Variants in DCDC1 observed in about 807,000 individuals in gnomAD.
DCDC1 encodes doublecortin domain-containing protein 1.
DCDC1 carries 200 observed loss-of-function variants against 178.3 expected under a neutral mutation model. The ratio of observed to expected loss-of-function variants is 1.12; its 90% CI spans 1.00 to 1.26. The LOEUF (loss-of-function observed/expected upper bound fraction) is 1.26, where lower values mean the gene tolerates loss of function less well. Ranked by LOEUF, DCDC1 falls within the 50% of genes most tolerant of loss-of-function variation. DCDC1 has a pLI of 0.00. For synonymous variants in DCDC1, 690 were observed against 604.8 expected, an observed-to-expected ratio of 1.14 and a Z score of -2.07; for missense variants, 1,983 against 1,749.2, an observed-to-expected ratio of 1.13 and a Z score of -2.38.
intron 11 of DCDC1, among the ~76,000 whole-genome samples, chr11:31,126,155 T>C (rs1167070011): frequency 6.6e-6 from 1 of 152,128 alleles, no homozygotes; most frequent in East Asian, 1.9e-4. Context: ...TGAATGCCAT[T>C]AAAGCAACTA....
chr11:31,096,506 A>C (rs1025798607), intron 15 of DCDC1, among the ~76,000 whole-genome samples: 2 of 152,134 alleles, frequency 1.3e-5, no homozygotes, highest in African/African-American at 2.4e-5. Flanking sequence ...TGTTATCTCC[A>C]CAACATGGTT....
rs375205472 is a variant in DCDC1 at position 31,073,723 on chromosome 11, G to A, written c.2298+4142C>T. On this transcript the variant is annotated intron_variant, in intron 18 of 38. Transcript: ENST00000684477. ...GGAGTGAAATCTTGAGCAAAGTAAG[G>A]AAAGGTAATTCTTAAAAAGCTTTGA... 6.7e-4 allele frequency among the ~76,000 whole-genome samples: 102 copies of A among 152,308 alleles called. 3 individuals carry two copies. In the South Asian group the frequency reaches 0.018, roughly 27 times the overall value.
At chr11:31,225,624 T>C (rs956092477) in intron 9 of DCDC1, among the ~76,000 whole-genome samples, 1 of 149,850 alleles carries the variant, frequency 6.7e-6, no homozygotes, top group African/African-American at 2.4e-5. Context: ...GTAATATATA[T>C]AATATAAAAT....
intron 23 of DCDC1, among the ~76,000 whole-genome samples, chr11:30,924,638 C>A (rs546982380): frequency 1.3e-5 from 2 of 152,182 alleles, no homozygotes; most frequent in East Asian, 3.9e-4. Context: ...AACCATTAAA[C>A]AACTACATTT....
chr11:31,012,751 A>G (rs752588451), intron 20 of DCDC1, among the ~76,000 whole-genome samples: 8 of 152,256 alleles, frequency 5.3e-5, no homozygotes, highest in Non-Finnish European at 7.3e-5. Context: ...AACCATAAGT[A>G]AATCTTAAAA....
chr11:30,984,836 T>G (rs899945019), intron 20 of DCDC1, among the ~76,000 whole-genome samples: 1 of 152,186 alleles, frequency 6.6e-6, no homozygotes, highest in African/African-American at 2.4e-5. Context: ...CCACATGTGC[T>G]GATACATTTG....
intron 9 of DCDC1, among the ~76,000 whole-genome samples, chr11:31,182,084 G>A (rs1968874173): frequency 6.6e-6 from 1 of 152,142 alleles, no homozygotes; most frequent in African/African-American, 2.4e-5. Context: ...CAAGAAATAT[G>A]GGACTATGTG....
Position 30,974,193 on chromosome 11 carries a change from C to G in DCDC1, c.2592-21625G>C, listed in dbSNP as rs1192351229. On this transcript the variant is annotated intron_variant, in intron 20 of 38. Coordinates refer to ENST00000684477, the MANE Select transcript of DCDC1 (RefSeq NM_001387274.1). The stretch of plus-strand genomic sequence containing the variant: ...AAAAAGTTATTGAAAAAATGCAAAC[C>G]AAAACGCAACACACCAAAGCCTGTC... Among the ~76,000 whole-genome samples, 14 of 149,666 alleles carry G rather than the reference C, an allele frequency of 9.4e-5. 2 individuals carry two copies. In the South Asian group the frequency reaches 2.9e-3, roughly 31 times the overall value.
chr11:31,178,598 A>G (rs930494115), intron 9 of DCDC1, among the ~76,000 whole-genome samples: 1 of 152,228 alleles, frequency 6.6e-6, no homozygotes, highest in Non-Finnish European at 1.5e-5. Context: ...ACAGAATAGG[A>G]GAAAATATTT....
chr11:31,205,249 G>T (rs1354612309), intron 9 of DCDC1, among the ~76,000 whole-genome samples: 1 of 152,132 alleles, frequency 6.6e-6, no homozygotes, highest in East Asian at 1.9e-4. Context: ...TTGTCTATAG[G>T]TCCTTGTATG....
chr11:31,286,230 G>T (rs915846423), intron 7 of DCDC1, among the ~76,000 whole-genome samples: 4 of 152,026 alleles, frequency 2.6e-5, no homozygotes, highest in Admixed American at 6.6e-5. Context: ...TAACAGAAAG[G>T]CCAGACGATT....
At chr11:31,287,240 C>A (rs371965855) in intron 7 of DCDC1, among the ~76,000 whole-genome samples, 3,157 of 148,698 alleles carry the variant, frequency 0.021, 93 homozygotes, top group Admixed American at 0.09. Context: ...AACAAACAAA[C>A]AAAAAAAAAC....
intron 7 of DCDC1, among the ~76,000 whole-genome samples, chr11:31,283,967 C>A (rs1286501281): frequency 7.3e-6 from 1 of 136,836 alleles, no homozygotes. Context: ...TCACTCTTTC[C>A]CTCCCTCTCT....
At position 30,920,769 on chromosome 11, in the gene DCDC1, T is replaced by A. The variant is rs1218762635; in HGVS notation, c.3293+7A>T. On this transcript the variant is annotated splice_region_variant and intron_variant, in intron 25 of 38. Transcript: ENST00000684477. ...AGGTAGCTTTTCAGGCTACACTGAT[T>A]ACTTACAGAATTTCACTGGAAGCAT... The A allele has an allele frequency of 1.9e-6, 3 of 1,613,028 alleles. No individual in the cohort carries two copies. In the African/African-American group the frequency reaches 4.0e-5, roughly 22 times the overall value.
In DCDC1 at chr11:31,103,542, GA is replaced by G. The variant is rs1299612816; in HGVS notation, c.1877+101del. ...AATTGCTTATTTAAGACAACTGAAA[GA>G]GCATCTTTTAGTGTTTCGAATCTCT... On this transcript the variant is annotated intron_variant, in intron 14 of 38. Transcript: ENST00000684477. 1.2e-5 allele frequency: 7 copies of G among 579,938 alleles called. No individual in the cohort carries two copies. In the Admixed American group the frequency reaches 2.3e-4, roughly 19 times the overall value. The allele number at this position is 579,938 out of a possible 1,614,324, so 35.9% of individuals were successfully genotyped here. A position where few individuals can be genotyped will look rare whatever the true frequency, so the allele number is the denominator to read the frequency against.
intron 11 of DCDC1, among the ~76,000 whole-genome samples, chr11:31,118,661 G>T (rs1960337975): frequency 6.6e-6 from 1 of 152,246 alleles, no homozygotes; most frequent in Non-Finnish European, 1.5e-5. Flanking sequence ...CTCACTGAGA[G>T]AGAGTGTGTG....
intron 21 of DCDC1, among the ~76,000 whole-genome samples, chr11:30,934,705 T>C (rs1041836540): frequency 6.6e-6 from 1 of 152,152 alleles, no homozygotes; most frequent in Admixed American, 6.5e-5. Flanking sequence ...TGCATTCCTT[T>C]AGGATCAATA....
intron 20 of DCDC1, among the ~76,000 whole-genome samples, chr11:31,015,105 C>A (rs1952409587): frequency 6.6e-6 from 1 of 152,022 alleles, no homozygotes; most frequent in Non-Finnish European, 1.5e-5. Context: ...TGCCACCATG[C>A]CCGGCTAATT....
At chr11:31,340,431 G>C (rs1950488241) in intron 1 of DCDC1, among the ~76,000 whole-genome samples, 1 of 152,194 alleles carries the variant, frequency 6.6e-6, no homozygotes, top group Admixed American at 6.5e-5. Flanking sequence ...GGGGGAACCA[G>C]TGATGGGTAC....
Sources: allele counts gnomAD v4.1 joint callset (sites outside exome capture counted in the v4.1 genomes callset), GRCh38; gene constraint gnomAD v4.1.1; transcripts MANE v1.5; gene names NCBI Gene and HGNC (gene_info 2026-07-23, HGNC 2026-07-21).